CCNY: variants seen among roughly 807,000 people sequenced by gnomAD.
CCNY encodes cyclin-Y.
A neutral mutation model predicts 42.8 loss-of-function variants in CCNY; 19 were observed. The ratio of observed to expected loss-of-function variants is 0.44; its 90% CI spans 0.31 to 0.65. The LOEUF (loss-of-function observed/expected upper bound fraction) is 0.65, where lower values mean the gene tolerates loss of function less well. Ranked by LOEUF, CCNY falls within the 30% of genes least tolerant of loss-of-function variation. The pLI, the probability that CCNY is intolerant of heterozygous loss-of-function variation, is 0.07. For missense variants in CCNY, 370 were observed against 437.3 expected (o/e 0.85, Z 1.37); for synonymous variants, 165 against 162.7 (o/e 1.01, Z -0.11).
At chr10:35,444,872 G>A (rs866312795) in intron 1 of CCNY, among the ~76,000 whole-genome samples, 3 of 152,172 alleles carry the variant, frequency 2.0e-5, no homozygotes, top group Non-Finnish European at 2.9e-5. Flanking sequence ...TAGTCCGGGC[G>A]ACAGATGATG....
intron 2 of CCNY, among the ~76,000 whole-genome samples, chr10:35,495,150 C>CTG (rs1491303073): frequency 1.3e-5 from 2 of 152,126 alleles, no homozygotes; most frequent in African/African-American, 4.8e-5. Context: ...TAAGGATACT[C>CTG]TGTGTGTGTG....
intron 1 of CCNY, among the ~76,000 whole-genome samples, chr10:35,378,950 C>T (rs994637083): frequency 6.6e-6 from 1 of 152,174 alleles, no homozygotes; most frequent in Admixed American, 6.5e-5. Context: ...ACAGAGGTTT[C>T]TCATGGCCAG....
chr10:35,270,889 C>T (rs1032133277), intron 3 of CCNY, among the ~76,000 whole-genome samples: 10 of 151,846 alleles, frequency 6.6e-5, no homozygotes, highest in Middle Eastern at 3.2e-3. Flanking sequence ...CCACACCCGG[C>T]TAATTTTTTG....
At chr10:35,362,023 G>A (rs984815697) in intron 1 of CCNY, among the ~76,000 whole-genome samples, 2 of 152,050 alleles carry the variant, frequency 1.3e-5, no homozygotes, top group Non-Finnish European at 2.9e-5. Flanking sequence ...TAAAACTAAT[G>A]TATAAAATTA....
chr10:35,315,626 C>A (rs545178861), intron 3 of CCNY, among the ~76,000 whole-genome samples: 1 of 152,282 alleles, frequency 6.6e-6, no homozygotes, highest in Non-Finnish European at 1.5e-5. Context: ...TGGGTATATA[C>A]CCAGTAATGG....
At chr10:35,290,149 C>A (rs1040441320) in intron 3 of CCNY, among the ~76,000 whole-genome samples, 2 of 150,968 alleles carry the variant, frequency 1.3e-5, no homozygotes, top group African/African-American at 4.9e-5. Flanking sequence ...TCTCTTGAAC[C>A]CAGGAGGCAA....
At chr10:35,392,397 T>C (rs907573960) in intron 1 of CCNY, among the ~76,000 whole-genome samples, 2 of 152,158 alleles carry the variant, frequency 1.3e-5, no homozygotes, top group African/African-American at 4.8e-5. Context: ...CTTCAGGAGC[T>C]CATAGTTCAA....
chr10:35,504,466 T>C (rs1280465358), intron 3 of CCNY, among the ~76,000 whole-genome samples: 3 of 152,198 alleles, frequency 2.0e-5, no homozygotes, highest in African/African-American at 7.2e-5. Flanking sequence ...AGACCACTTC[T>C]CAAGGAATTA....
chr10:35,509,207 C>T (rs999689615), intron 3 of CCNY, among the ~76,000 whole-genome samples: 2 of 152,158 alleles, frequency 1.3e-5, no homozygotes, highest in Admixed American at 1.3e-4. Context: ...GTTCTTAACT[C>T]CATGGGTATT....
intron 3 of CCNY, among the ~76,000 whole-genome samples, chr10:35,269,758 T>C (rs1260712947): frequency 6.6e-6 from 1 of 151,788 alleles, no homozygotes; most frequent in Non-Finnish European, 1.5e-5. Flanking sequence ...GCCTCTGAAG[T>C]AGCTGGGATT....
intron 1 of CCNY, among the ~76,000 whole-genome samples, chr10:35,455,902 C>G (rs1839023709): frequency 6.6e-6 from 1 of 150,820 alleles, no homozygotes; most frequent in Admixed American, 6.6e-5. Context: ...CACTGAAGCC[C>G]CAAAATCCTG....
At chr10:35,427,145 A>AT (rs747919901) in intron 1 of CCNY, among the ~76,000 whole-genome samples, 306 of 152,338 alleles carry the variant, frequency 2.0e-3, no homozygotes, top group Non-Finnish European at 3.6e-3. Flanking sequence ...ATCTTTGAAA[A>AT]ATCTACCATG....
At chr10:35,309,649 C>T (rs1004318541) in intron 3 of CCNY, among the ~76,000 whole-genome samples, 3 of 151,968 alleles carry the variant, frequency 2.0e-5, no homozygotes, top group Admixed American at 6.6e-5. Context: ...TCGAACTCCT[C>T]GGCTCAAGTG....
In CCNY at chr10:35,530,096, A is replaced by G. The variant is rs781184395; in HGVS notation, c.460-28A>G. 1.9e-6 allele frequency: 3 copies of G among 1,614,030 alleles called. No individual in the cohort carries two copies. Among genetic ancestry groups the G allele is most frequent in the Non-Finnish European group, 8.5e-7 (1 of 1,180,016 alleles). On this transcript the variant is annotated intron_variant, in intron 6 of 9. Coordinates refer to ENST00000374704, the MANE Select transcript of CCNY (RefSeq NM_145012.6). This position sits in a 1 kb window ranked among gnomAD's most constrained non-coding sequence, Gnocchi z 4.3. ...TCTCTTTTGCTCCAATCGGGAGATC[A>G]GTCATCTGAAAATATTTTCTTCCCC...
At chr10:35,423,649 A>C (rs1838207473) in intron 1 of CCNY, among the ~76,000 whole-genome samples, 1 of 152,046 alleles carries the variant, frequency 6.6e-6, no homozygotes, top group South Asian at 2.1e-4. Flanking sequence ...GTTTGGTTTC[A>C]GTAACTGAAT....
At position 35,572,213 on chromosome 10, in the gene CCNY, G is replaced by A. The variant is rs986625090; in HGVS notation, c.*3043G>A. ...AAGCTGAAAGCAAAATTTGGGGAGT[G>A]AATGATTTAAACTTTTCCTGCTGCT... is the stretch of plus-strand genomic sequence containing the variant. On this transcript the variant is annotated 3_prime_UTR_variant, in exon 10 of 10. Coordinates refer to ENST00000374704, the MANE Select transcript of CCNY (RefSeq NM_145012.6). 6.6e-6 allele frequency: 1 copy of A among 152,102 alleles called. No homozygotes were observed. Among genetic ancestry groups the A allele is most frequent in the African/African-American group, 2.4e-5 (1 of 41,426 alleles). 9.4% of individuals were successfully genotyped at this position (152,102 alleles called of 1,614,324 possible).
chr10:35,308,360 T>C (rs907315298), intron 3 of CCNY, among the ~76,000 whole-genome samples: 2 of 151,926 alleles, frequency 1.3e-5, no homozygotes, highest in African/African-American at 4.8e-5. Flanking sequence ...CAAGACCAGC[T>C]TGAGCAACAC....
Position 35,277,723 on chromosome 10 carries a change from T to TC in CCNY, c.-9+27098dup, listed in dbSNP as rs1420824065. On this transcript the variant is annotated intron_variant, in intron 3 of 11. Coordinates refer to the CCNY transcript ENST00000374706. Reference sequence around the variant, plus strand: ...CAGTGCATCCTATGCCCATGTAAATTCTTTTTTTTTTTTCCAAAAGAGTCC... The same window carrying TC: ...CAGTGCATCCTATGCCCATGTAAATTCCTTTTTTTTTTTTCCAAAAGAGTCC... Among the ~76,000 whole-genome samples the TC allele has an allele frequency of 4.0e-5, 6 of 148,826 alleles. No individual in the cohort carries two copies. The East Asian group carries it at 1.4e-3, about 34-fold the overall frequency.
intron 1 of CCNY, among the ~76,000 whole-genome samples, chr10:35,448,373 G>A (rs540685009): frequency 1.3e-5 from 2 of 152,272 alleles, no homozygotes; most frequent in African/African-American, 2.4e-5. Flanking sequence ...GTTGGAATGC[G>A]AATTCCCATT....
Sources: gnomAD v4.1 joint callset for allele counts (sites outside exome capture counted in the v4.1 genomes callset) on GRCh38, gnomAD v4.1.1 for gene constraint, Gnocchi (gnomAD v3.1) non-coding constraint, MANE v1.5 for transcripts, NCBI Gene and HGNC (gene_info 2026-07-23, HGNC 2026-07-21) for gene names.